Variants in MYO10 observed in about 807,000 individuals in gnomAD.
MYO10 encodes unconventional myosin-X.
A neutral mutation model predicts 257.3 loss-of-function variants in MYO10; 133 were observed. The ratio of observed to expected loss-of-function variants is 0.52; its 90% CI spans 0.45 to 0.60. The LOEUF is 0.60. Ranked by LOEUF, MYO10 falls within the 20% of genes least tolerant of loss-of-function variation. The pLI is 0.00. For missense variants in MYO10, 2,399 were observed against 2,635.7 expected, an observed-to-expected ratio of 0.91 and a Z score of 1.97; for synonymous variants, 1,104 against 1,028.6, an observed-to-expected ratio of 1.07 and a Z score of -1.40.
intron 1 of MYO10, among the ~76,000 whole-genome samples, chr5:16,895,751 A>C (rs1745197422): frequency 1.1e-5 from 1 of 91,092 alleles, no homozygotes. Context: ...CCCCAACACC[A>C]CAACACACAC....
chr5:16,877,804 A>G (rs1744649942), intron 1 of MYO10, 97 bp from the exon 2 acceptor site: 3 of 876,644 alleles, frequency 3.4e-6, no homozygotes, highest in Non-Finnish European at 5.3e-6. Context: ...TTCCTTTAAA[A>G]AAAATCTTCT....
chr5:16,880,267 T>C (rs1173640573), intron 1 of MYO10, among the ~76,000 whole-genome samples: 3 of 152,108 alleles, frequency 2.0e-5, no homozygotes, highest in African/African-American at 7.2e-5. Flanking sequence ...CACTCTTTGT[T>C]TGATGAATGA....
chr5:16,670,273 A>C (rs978217912), intron 39 of MYO10, among the ~76,000 whole-genome samples: 3 of 152,224 alleles, frequency 2.0e-5, no homozygotes, highest in African/African-American at 7.2e-5. Context: ...AGCTTCCCTA[A>C]GGAAGGGTAG....
chr5:16,918,442 G>A (rs1378937193), intron 1 of MYO10, among the ~76,000 whole-genome samples: 1 of 151,526 alleles, frequency 6.6e-6, no homozygotes, highest in Non-Finnish European at 1.5e-5. Flanking sequence ...TGTGGCCTTG[G>A]CATTCCACAC....
chr5:16,873,635 C>T (rs932420964), intron 2 of MYO10, among the ~76,000 whole-genome samples: 1 of 152,250 alleles, frequency 6.6e-6, no homozygotes, highest in African/African-American at 2.4e-5. Flanking sequence ...TCTGCCTGGG[C>T]ATTCAGGCAT....
intron 1 of MYO10, among the ~76,000 whole-genome samples, chr5:16,922,088 C>A (rs1389575013): frequency 2.0e-5 from 3 of 152,028 alleles, no homozygotes; most frequent in Non-Finnish European, 4.4e-5. Flanking sequence ...GTGGTGCGTG[C>A]CTGTAATCCC....
chr5:16,727,960 T>C (rs1414444786), intron 19 of MYO10, among the ~76,000 whole-genome samples: 3 of 151,880 alleles, frequency 2.0e-5, no homozygotes, highest in Non-Finnish European at 4.4e-5. Context: ...AAGCCCTTTC[T>C]CTTTAATTAT....
intron 3 of MYO10, among the ~76,000 whole-genome samples, chr5:16,810,521 A>G (rs57125370): frequency 0.11 from 17,377 of 152,242 alleles, 1,858 homozygotes; most frequent in African/African-American, 0.27. Flanking sequence ...GACTGGGTGC[A>G]GTGGCTCATG....
chr5:16,889,478 AGAAGGAAG>A (rs151266743), intron 1 of MYO10, among the ~76,000 whole-genome samples: 6,078 of 131,846 alleles, frequency 0.046, 200 homozygotes, highest in East Asian at 0.077. Context: ...AAGAAAAGAA[AGAAGGAAG>A]GAAGGAAGGA....
intron 21 of MYO10, among the ~76,000 whole-genome samples, chr5:16,710,161 G>A (rs1358900209): frequency 6.6e-6 from 1 of 152,080 alleles, no homozygotes; most frequent in Admixed American, 6.6e-5. Context: ...CACTCTTCGA[G>A]GACACATGTG....
intron 28 of MYO10, among the ~76,000 whole-genome samples, chr5:16,688,015 GAA>G (rs945337791): frequency 2.0e-5 from 3 of 152,180 alleles, no homozygotes; most frequent in African/African-American, 7.2e-5. Flanking sequence ...CTGGTCAGGA[GAA>G]AAAGTCCTTG....
intron 37 of MYO10, among the ~76,000 whole-genome samples, chr5:16,671,795 C>T (rs528808928): frequency 5.9e-5 from 9 of 152,248 alleles, no homozygotes; most frequent in African/African-American, 7.2e-5. Flanking sequence ...GAGCCGCATT[C>T]GAATTAGTAC....
At chr5:16,675,956 T>C (rs564689841) in intron 34 of MYO10, 75 bp downstream of exon 34, 4 of 1,469,340 alleles carry the variant, frequency 2.7e-6, no homozygotes, top group South Asian at 1.3e-5. Flanking sequence ...CAAATGCTTC[T>C]GTGTTAAGCT....
chr5:16,702,055 G>A (rs1453327352), intron 24 of MYO10, among the ~76,000 whole-genome samples: 2 of 152,216 alleles, frequency 1.3e-5, no homozygotes, highest in Non-Finnish European at 1.5e-5. Flanking sequence ...GTTCACTAGG[G>A]TGGGCCCCAA....
At chr5:16,887,913 A>G (rs1325069123) in intron 1 of MYO10, among the ~76,000 whole-genome samples, 1 of 152,218 alleles carries the variant, frequency 6.6e-6, no homozygotes, top group Non-Finnish European at 1.5e-5. Flanking sequence ...TTTAACACTA[A>G]AAGAAATGAG....
intron 21 of MYO10, among the ~76,000 whole-genome samples, chr5:16,709,043 T>G (rs1368411312): frequency 2.0e-5 from 3 of 152,158 alleles, no homozygotes; most frequent in African/African-American, 7.2e-5. Flanking sequence ...GAATGAACAA[T>G]CAGCTCTACA....
chr5:16,845,367 TA>T (rs899027147), intron 2 of MYO10, among the ~76,000 whole-genome samples: 1 of 152,120 alleles, frequency 6.6e-6, no homozygotes, highest in East Asian at 1.9e-4. Context: ...TTCGGCGTGT[TA>T]AAAAAATGTC....
intron 2 of MYO10, among the ~76,000 whole-genome samples, chr5:16,857,766 C>G (rs1744001477): frequency 6.6e-6 from 1 of 152,210 alleles, no homozygotes; most frequent in Non-Finnish European, 1.5e-5. Flanking sequence ...AGCAATTGGG[C>G]TTAACAACAG....
chr5:16,762,146 A>G lies in MYO10; in HGVS notation c.1588-33T>C, dbSNP rs13174663. 6 of 1,334,280 alleles carry G rather than the reference A, an allele frequency of 4.5e-6. 1 individual carries two copies. The highest frequency in any genetic ancestry group is 6.0e-6 in the Non-Finnish European group (6 of 998,622). 82.7% of individuals were successfully genotyped at this position (1,334,280 alleles called of 1,614,324 possible). On this transcript the variant is annotated intron_variant, in intron 15 of 40. Transcript: ENST00000513610. ...AAAAAAAAAAAAAAAAAAAAAAAAT[A>G]CAATGCCTTATTTCACTCACTGATT... is the stretch of plus-strand genomic sequence containing the variant.
Sources: gnomAD v4.1 joint callset for allele counts (sites outside exome capture counted in the v4.1 genomes callset) on GRCh38, gnomAD v4.1.1 for gene constraint, MANE v1.5 for transcripts, NCBI Gene and HGNC (gene_info 2026-07-23, HGNC 2026-07-21) for gene names.